Variants in C11orf58 observed in about 807,000 individuals in gnomAD.
C11orf58 encodes the protein small acidic protein.
C11orf58 carries 5 observed loss-of-function variants against 22.7 expected under a neutral mutation model. The observed-to-expected ratio is 0.22, with a 90% CI of 0.12 to 0.46. The LOEUF is 0.46. C11orf58 is among the 20% of genes least tolerant of loss of function. C11orf58 has a pLI of 0.99. For synonymous variants in C11orf58, 71 were observed against 70.7 expected (o/e 1.00, Z -0.02); for missense variants, 151 against 223.3 (o/e 0.68, Z 2.06).
chr11:16,748,830 TGAGA>T (rs1848508731), intron 3 of C11orf58, among the ~76,000 whole-genome samples: 1 of 152,124 alleles, frequency 6.6e-6, no homozygotes, highest in Non-Finnish European at 1.5e-5. Context: ...TTTTAAAAGA[TGAGA>T]GAGTATATGT....
chr11:16,748,482 C>A, intron 3 of C11orf58: 1 of 161,406 alleles, frequency 6.2e-6, no homozygotes, highest in South Asian at 1.7e-4. Flanking sequence ...TTGGCTTATG[C>A]TTGTAATCCC....
chr11:16,741,821 G>A (rs1848450589), intron 1 of C11orf58, among the ~76,000 whole-genome samples: 1 of 152,184 alleles, frequency 6.6e-6, no homozygotes, highest in African/African-American at 2.4e-5. Context: ...CCCCAGATGG[G>A]ACTGTCTAGT....
chr11:16,740,191 G>T (rs534646900), intron 1 of C11orf58, among the ~76,000 whole-genome samples: 2 of 152,290 alleles, frequency 1.3e-5, no homozygotes, highest in Admixed American at 6.5e-5. Context: ...TTTTCCTCCT[G>T]ATCTTTAAAT....
chr11:16,743,779 A>T (rs1171147245), intron 1 of C11orf58, among the ~76,000 whole-genome samples: 1 of 152,120 alleles, frequency 6.6e-6, no homozygotes, highest in Non-Finnish European at 1.5e-5. Context: ...ATGAATTATA[A>T]ATAATGAATT....
chr11:16,752,969 C>G, intron 4 of C11orf58, 75 bp downstream of exon 4: 1 of 1,144,048 alleles, frequency 8.7e-7, no homozygotes, highest in South Asian at 1.5e-5. Flanking sequence ...TTAGATTACC[C>G]TAGCAATCAA....
chr11:16,746,381 T>C (rs1197706786), intron 2 of C11orf58, among the ~76,000 whole-genome samples: 1 of 152,218 alleles, frequency 6.6e-6, no homozygotes, highest in East Asian at 1.9e-4. Flanking sequence ...CCCTTGTGGT[T>C]CTTGGAAACT....
At chr11:16,740,521 A>T (rs1267146428) in intron 1 of C11orf58, among the ~76,000 whole-genome samples, 1 of 151,450 alleles carries the variant, frequency 6.6e-6, no homozygotes, top group African/African-American at 2.4e-5. Flanking sequence ...TCCTGCTTCA[A>T]CCCCCTCTTC....
chr11:16,744,379 C>G (rs1293117012), intron 1 of C11orf58: 1 of 478,876 alleles, frequency 2.1e-6, no homozygotes, highest in Non-Finnish European at 3.7e-6. Context: ...TTTTGAGACT[C>G]AGCTCTGGCT....
At chr11:16,751,810 C>T (rs1458354562) in intron 3 of C11orf58, 1 of 152,206 alleles carries the variant, frequency 6.6e-6, no homozygotes, top group Non-Finnish European at 1.5e-5. Flanking sequence ...ATTCACAACC[C>T]ATTTGTGAAT....
intron 4 of C11orf58, among the ~76,000 whole-genome samples, chr11:16,753,514 C>T (rs912136406): frequency 1.3e-5 from 2 of 151,964 alleles, no homozygotes; most frequent in Admixed American, 6.6e-5. Context: ...AGGTGCATGC[C>T]GCCACACCAG....
intron 3 of C11orf58, chr11:16,750,805 G>C (rs1356822459): frequency 1.3e-5 from 2 of 152,498 alleles, no homozygotes; most frequent in East Asian, 3.9e-4. Context: ...TGGTCATTTT[G>C]TATCGATATA....
intron 3 of C11orf58, 127 bp from the exon 4 acceptor site, chr11:16,752,658 C>A: frequency 1.9e-6 from 1 of 522,370 alleles, no homozygotes. Context: ...CATAAATTCT[C>A]AAAAGTCATA....
rs895994101 is a variant in C11orf58, at chr11:16,752,971, A to C, written c.318+77A>C. 1.0e-5 allele frequency: 11 copies of C among 1,104,574 alleles called. No individual in the cohort carries two copies. In the Admixed American group the frequency reaches 1.6e-4, roughly 16 times the overall value. The allele number at this position is 1,104,574 out of a possible 1,614,324, so 68.4% of individuals were successfully genotyped here. ...CCATTTATTGCTGTTAGATTACCCT[A>C]GCAATCAAGAATCCCATGTAGAAAG... On this transcript the variant is annotated intron_variant, in intron 4 of 4. Coordinates refer to ENST00000228136, the MANE Select transcript of C11orf58 (RefSeq NM_014267.6).
At chr11:16,751,729 C>T (rs2134073838) in intron 3 of C11orf58, 1 of 152,322 alleles carries the variant, frequency 6.6e-6, no homozygotes, top group South Asian at 2.1e-4. Context: ...ACATGATCAC[C>T]TATCTCAGCC....
intron 4 of C11orf58, 52 bp downstream of exon 4, chr11:16,752,946 C>A: frequency 7.3e-7 from 1 of 1,364,112 alleles, no homozygotes; most frequent in South Asian, 1.2e-5. Flanking sequence ...CAATTTGGTA[C>A]CATTTATTGC....
chr11:16,748,573 TAAA>T (rs10690437), intron 3 of C11orf58: 4 of 107,334 alleles, frequency 3.7e-5, no homozygotes, highest in Non-Finnish European at 5.5e-5. Context: ...GTGTCTCTAC[TAAA>T]AAAAAAAAAA....
rs574959736 is a variant in C11orf58 at position 16,757,614 on chromosome 11, A to G, written c.*2510A>G. ...GTCATGCTGTCTTGGTATCCATACT[A>G]AAAAAGTATCAGGAAAATAGATTAT... On this transcript the variant is annotated 3_prime_UTR_variant, in exon 5 of 5. Transcript: ENST00000228136. Among the ~76,000 whole-genome samples, 5 of 152,366 alleles carry G rather than the reference A, an allele frequency of 3.3e-5. No homozygotes were observed. Among genetic ancestry groups the G allele is most frequent in the Non-Finnish European group, 7.3e-5 (5 of 68,042 alleles).
rs527598853 is a variant in C11orf58, at chr11:16,746,395, CT to C, written c.148-1699del. Among the ~76,000 whole-genome samples the C allele has an allele frequency of 7.7e-3, 1,180 of 152,282 alleles. 12 individuals carry two copies. The highest frequency in any genetic ancestry group is 0.027 in the African/African-American group (1,128 of 41,552). ...TCCCTTGTGGTTCTTGGAAACTAAC[CT>C]TTGGCAAACTGACAATAAAGTTGTT... On this transcript the variant is annotated intron_variant, in intron 2 of 4. Coordinates refer to ENST00000228136, the MANE Select transcript of C11orf58 (RefSeq NM_014267.6).
intron 4 of C11orf58, among the ~76,000 whole-genome samples, chr11:16,753,170 C>T (rs1393785725): frequency 1.3e-5 from 2 of 151,850 alleles, no homozygotes; most frequent in Admixed American, 1.3e-4. Flanking sequence ...TTCCACCTCG[C>T]GGGTTCAAGT....
Sources: allele counts gnomAD v4.1 joint callset (sites outside exome capture counted in the v4.1 genomes callset), GRCh38; gene constraint gnomAD v4.1.1; transcripts MANE v1.5; gene names NCBI Gene and HGNC (gene_info 2026-07-23, HGNC 2026-07-21).